CEP295: variants seen among roughly 807,000 people sequenced by gnomAD.
CEP295 encodes the protein centrosomal protein 295, also known as centrosomal protein of 295 kDa.
In CEP295, 190 loss-of-function variants were observed where a neutral mutation model predicts 291.6. The ratio of observed to expected loss-of-function variants is 0.65; its 90% CI spans 0.58 to 0.73. CEP295 has a LOEUF of 0.73. Among genes scored for constraint, CEP295 ranks in the 30% least tolerant of loss-of-function variants. The probability of loss-of-function intolerance (pLI) is 0.00; values close to 1 mark genes in which losing one functional copy is unlikely to be tolerated. For synonymous variants in CEP295, 993 were observed against 1,038.8 expected (o/e 0.96, Z 0.85); for missense variants, 2,863 against 2,949.4 (o/e 0.97, Z 0.68).
chr11:93,694,857 G>A (rs1448146119), intron 12 of CEP295, among the ~76,000 whole-genome samples: 3 of 152,202 alleles, frequency 2.0e-5, no homozygotes, highest in Non-Finnish European at 4.4e-5. Context: ...CTAAATTGCA[G>A]ATAGGAGGGG....
In CEP295 at chr11:93,698,145, A is replaced by G. The variant is rs1274922815; in HGVS notation, c.3233A>G (p.Gln1078Arg). 3.5e-5 allele frequency: 55 copies of G among 1,552,112 alleles called. No individual in the cohort carries two copies. The highest frequency in any genetic ancestry group is 4.3e-5 in the Non-Finnish European group (49 of 1,147,104). The change falls in exon 15 of 30, where the codon CAG (glutamine) becomes CGG (arginine). Residue 1078 changes from glutamine (Q) to arginine (R), a missense_variant. Transcript: ENST00000325212. ...RDTLQARHEA[Q>R]VELLLHRQRD... ...ACTCTTCAGGCTAGGCATGAAGCTC[A>G]GGTGGAATTACTTTTACATAGACAA...
At chr11:93,681,471 A>C (rs1279128490) in intron 7 of CEP295, among the ~76,000 whole-genome samples, 1 of 115,582 alleles carries the variant, frequency 8.7e-6, no homozygotes, top group Non-Finnish European at 1.6e-5. Context: ...GCGGGAGTGC[A>C]ATGGCGTGAT....
At chr11:93,669,852 T>TA (rs759048266) in intron 5 of CEP295, 82 bp downstream of exon 5, 1 of 831,012 alleles carries the variant, frequency 1.2e-6, no homozygotes, top group Non-Finnish European at 1.9e-6. Context: ...GACTATCACT[T>TA]AAACTTAATT....
chr11:93,721,784 C>T (rs1159142863), intron 19 of CEP295, 170 bp from the exon 20 acceptor site: 1 of 685,656 alleles, frequency 1.5e-6, no homozygotes, highest in Non-Finnish European at 2.7e-6. Flanking sequence ...TCTATGAAAG[C>T]CTAATCATTT....
intron 7 of CEP295, among the ~76,000 whole-genome samples, chr11:93,680,638 A>G (rs1950916404): frequency 6.6e-6 from 1 of 152,232 alleles, no homozygotes; most frequent in South Asian, 2.1e-4. Flanking sequence ...TGACAGAGTG[A>G]GATTCTGTCA....
intron 13 of CEP295, 81 bp from the exon 14 acceptor site, chr11:93,696,239 C>T (rs754557035): frequency 2.6e-6 from 2 of 757,302 alleles, no homozygotes; most frequent in Non-Finnish European, 4.3e-6. Flanking sequence ...TGGAAGTTTA[C>T]AATTATAGAA....
chr11:93,725,902 C>G, intron 23 of CEP295, 71 bp downstream of exon 23: 1 of 1,310,376 alleles, frequency 7.6e-7, no homozygotes, highest in African/African-American at 1.5e-5. Flanking sequence ...AGAAATTAAG[C>G]CTAGCACCTC....
chr11:93,695,407 A>G, intron 12 of CEP295, 90 bp from the exon 13 acceptor site: 1 of 869,110 alleles, frequency 1.2e-6, no homozygotes, highest in Non-Finnish European at 1.6e-6. Context: ...CCCTTGGTGA[A>G]GAAACCTAAT....
Position 93,695,508 on chromosome 11 carries a change from A to G in CEP295, c.1545A>G (p.Ile515Met), listed in dbSNP as rs575850090. Residue 515 changes from isoleucine to methionine, a missense_variant, in exon 13 of 30, where the codon ATA (isoleucine) becomes ATG (methionine). Ile to Met is a conservative substitution (Grantham distance 10). Coordinates refer to ENST00000325212, the MANE Select transcript of CEP295 (RefSeq NM_033395.2). The part of the protein sequence containing the change: ...MSARQKQIME[I>M]EEQKQKQLEL... ...ATTTTGTTACCTAGATAATGGAAAT[A>G]GAAGAGCAGAAGCAAAAGCAATTGG... 1 of 1,454,210 alleles carries G rather than the reference A, an allele frequency of 6.9e-7. No individual in the cohort carries two copies. The highest frequency in any genetic ancestry group is 1.5e-5 in the African/African-American group (1 of 67,182). 90.1% of individuals were successfully genotyped at this position (1,454,210 alleles called of 1,614,324 possible).
chr11:93,722,853 G>A (rs1227153070), intron 20 of CEP295, 188 bp from the exon 21 acceptor site: 2 of 475,030 alleles, frequency 4.2e-6, no homozygotes, highest in Admixed American at 7.5e-5. Context: ...TGGGACTACA[G>A]GTGTGCGCCA....
chr11:93,725,675 C>T lies in CEP295; in HGVS notation c.6343C>T (p.His2115Tyr), dbSNP rs1954085783. Residue 2115 changes from histidine (H) to tyrosine (Y), a missense_variant, in exon 23 of 30, where the codon CAC becomes TAC. Around this residue, in one of 3 missense-constraint regions of CEP295, gnomAD observed 2,295 missense variants for 2,335.7 expected, o/e 0.98. Transcript: ENST00000325212. ...YQRSDSSSES[H>Y]CATGLSKSTV... ...GAGATCAGATTCTTCATCTGAAAGCCACTGTGCTACTGGATTATCCAAAAG... is the reference window on the plus strand; with the variant it reads ...GAGATCAGATTCTTCATCTGAAAGCTACTGTGCTACTGGATTATCCAAAAG... 6.5e-7 allele frequency: 1 copy of T among 1,544,614 alleles called. No homozygotes were observed. Among genetic ancestry groups the T allele is most frequent in the Non-Finnish European group, 8.7e-7 (1 of 1,145,260 alleles).
intron 7 of CEP295, 55 bp downstream of exon 7, chr11:93,679,607 C>A: frequency 6.9e-7 from 1 of 1,445,032 alleles, no homozygotes; most frequent in East Asian, 2.5e-5. Context: ...AATAGCATTG[C>A]AGGACTGATT....
intron 18 of CEP295, among the ~76,000 whole-genome samples, chr11:93,717,069 T>G (rs1281424445): frequency 6.6e-6 from 1 of 152,104 alleles, no homozygotes; most frequent in Non-Finnish European, 1.5e-5. Context: ...TTATTAAGAC[T>G]TTTCCTGGGT....
rs1329530648 is a variant in CEP295 at position 93,698,974 on chromosome 11, TCAAGAA to T, written c.4065_4070del (p.Glu1356_Gln1357del). 5 of 1,550,618 alleles carry T rather than the reference TCAAGAA, an allele frequency of 3.2e-6. No individual in the cohort carries two copies. The African/African-American group carries it at 6.8e-5, about 21-fold the overall frequency. On this transcript the variant is annotated inframe_deletion, in exon 15 of 30. Coordinates refer to ENST00000325212, the MANE Select transcript of CEP295 (RefSeq NM_033395.2). Reference sequence around the variant, plus strand: ...CTCAACAAGATAATTTGAAGGCACTTCAAGAACAGTTAGCTACACAGAGAGAAGCCA... The same window carrying T: ...CTCAACAAGATAATTTGAAGGCACTTCAGTTAGCTACACAGAGAGAAGCCA...
rs1478283741 is a variant in CEP295 at position 93,728,697 on chromosome 11, A to G, written c.7178A>G (p.His2393Arg). 3 of 1,539,426 alleles carry G rather than the reference A, an allele frequency of 1.9e-6. No individual in the cohort carries two copies. Among genetic ancestry groups the G allele is most frequent in the East Asian group, 2.5e-5 (1 of 40,626 alleles). The change falls in exon 25 of 30, where the codon CAT becomes CGT. Residue 2393 changes from histidine (H) to arginine (R), a missense_variant. Transcript: ENST00000325212. ...SIPVWETETG[H>R]GIMEEPELTL... ...GGTTCACAGGAAACAGAAACTGGCC[A>G]TGGTATAATGGAAGAACCAGAACTT...
intron 7 of CEP295, among the ~76,000 whole-genome samples, chr11:93,682,010 A>G (rs770582335): frequency 6.6e-6 from 1 of 152,060 alleles, no homozygotes; most frequent in Non-Finnish European, 1.5e-5. Flanking sequence ...AAATAATCCA[A>G]AAGGAATAAT....
At chr11:93,710,048 G>A (rs1461607628) in intron 18 of CEP295, among the ~76,000 whole-genome samples, 1 of 152,034 alleles carries the variant, frequency 6.6e-6, no homozygotes, top group African/African-American at 2.4e-5. Flanking sequence ...GAGTCTTTAG[G>A]TTTTTTCCAG....
chr11:93,682,141 A>T (rs1951006393), intron 7 of CEP295, among the ~76,000 whole-genome samples: 1 of 152,182 alleles, frequency 6.6e-6, no homozygotes, highest in African/African-American at 2.4e-5. Context: ...GGCAAAAAAA[A>T]TTCATCCTCA....
intron 5 of CEP295, 78 bp downstream of exon 5, chr11:93,669,848 CACTTAA>C (rs1054533238): frequency 2.5e-4 from 220 of 864,280 alleles, no homozygotes; most frequent in African/African-American, 2.4e-3. Flanking sequence ...GAATGACTAT[CACTTAA>C]ACTTAATTGT....
Sources: gnomAD v4.1 joint callset for allele counts (sites outside exome capture counted in the v4.1 genomes callset) on GRCh38, gnomAD v4.1.1 for gene constraint, gnomAD v4.1.1 regional missense constraint, MANE v1.5 for transcripts, NCBI Gene and HGNC (gene_info 2026-07-23, HGNC 2026-07-21) for gene names.